The following AP3S1 variants were observed in gnomAD, a reference collection of about 807,000 sequenced individuals.
AP3S1 encodes the protein adaptor related protein complex 3 subunit sigma 1, also known as AP-3 complex subunit sigma-1.
AP3S1 carries 12 observed loss-of-function variants against 21.3 expected under a neutral mutation model. That is an observed-to-expected ratio of 0.56 (90% CI 0.36 to 0.91). The LOEUF (loss-of-function observed/expected upper bound fraction) is 0.91, where lower values mean the gene tolerates loss of function less well. AP3S1 is among the 40% of genes least tolerant of loss of function. The pLI, the probability that AP3S1 is intolerant of heterozygous loss-of-function variation, is 0.01. For missense variants in AP3S1, 116 were observed against 225.0 expected (o/e 0.52, Z 3.10); for synonymous variants, 48 against 78.4 (o/e 0.61, Z 2.05).
At chr5:115,844,870 T>C (rs938039787) in intron 1 of AP3S1, among the ~76,000 whole-genome samples, 1 of 152,218 alleles carries the variant, frequency 6.6e-6, no homozygotes. Flanking sequence ...TATAGAATAC[T>C]TGAAGGAACG....
intron 5 of AP3S1, among the ~76,000 whole-genome samples, chr5:115,905,439 A>G (rs1751566691): frequency 6.6e-6 from 1 of 152,216 alleles, no homozygotes; most frequent in Admixed American, 6.5e-5. Flanking sequence ...CTGGTACCAA[A>G]TTAGTTTCTC....
At chr5:115,911,362 C>G (rs1052137192) in intron 5 of AP3S1, among the ~76,000 whole-genome samples, 2 of 151,886 alleles carry the variant, frequency 1.3e-5, no homozygotes, top group Non-Finnish European at 2.9e-5. Flanking sequence ...CACAATTTCT[C>G]TCACAATAAT....
In AP3S1 at chr5:115,841,959, A is replaced by G. The variant is rs984259635; in HGVS notation, c.-79A>G. The G allele has an allele frequency of 1.1e-5, 16 of 1,514,214 alleles. No individual in the cohort carries two copies. In the African/African-American group the frequency reaches 1.1e-4, roughly 11 times the overall value. The allele number at this position is 1,514,214 out of a possible 1,614,324, so 93.8% of individuals were successfully genotyped here. On this transcript the variant is annotated 5_prime_UTR_variant, in exon 1 of 6. Coordinates refer to ENST00000316788, the MANE Select transcript of AP3S1 (RefSeq NM_001284.4). Reference sequence around the variant, plus strand: ...GAGGGGGCGGGTGGGGAAGGATCGCAGGCGAGATTACGAGGCGAGGCTCGC... The same window carrying G: ...GAGGGGGCGGGTGGGGAAGGATCGCGGGCGAGATTACGAGGCGAGGCTCGC...
chr5:115,866,633 C>G, intron 1 of AP3S1, 37 bp from the exon 2 acceptor site: 1 of 1,408,372 alleles, frequency 7.1e-7, no homozygotes, highest in Non-Finnish European at 9.8e-7. Flanking sequence ...TAAACCTATA[C>G]ACTCCATCCT....
chr5:115,907,152 C>A (rs1287970792), intron 5 of AP3S1: 6 of 280,288 alleles, frequency 2.1e-5, no homozygotes, highest in Non-Finnish European at 3.2e-5. Context: ...TGACAAATTG[C>A]ATTTGCAGAA....
intron 3 of AP3S1, among the ~76,000 whole-genome samples, chr5:115,886,781 G>A (rs2112889158): frequency 6.6e-6 from 1 of 152,138 alleles, no homozygotes; most frequent in East Asian, 1.9e-4. Flanking sequence ...TCACAGAGAA[G>A]GAATCATTAA....
intron 4 of AP3S1, among the ~76,000 whole-genome samples, chr5:115,899,005 G>A (rs1380873496): frequency 1.3e-5 from 2 of 152,204 alleles, no homozygotes; most frequent in Non-Finnish European, 2.9e-5. Context: ...TAAAGATTCT[G>A]TGCAGGGCTT....
chr5:115,909,043 G>A (rs1341368336), intron 5 of AP3S1: 4 of 930,744 alleles, frequency 4.3e-6, no homozygotes, highest in South Asian at 5.0e-5. Context: ...GTTTTAATAC[G>A]TACAGTTTGT....
chr5:115,876,781 G>A (rs1748755218), intron 3 of AP3S1, among the ~76,000 whole-genome samples: 1 of 152,006 alleles, frequency 6.6e-6, no homozygotes, highest in South Asian at 2.1e-4. Flanking sequence ...CCCCAATTTG[G>A]GTTTGTTTGA....
chr5:115,882,513 G>A (rs933191656), intron 3 of AP3S1, among the ~76,000 whole-genome samples: 1 of 152,120 alleles, frequency 6.6e-6, no homozygotes, highest in Non-Finnish European at 1.5e-5. Context: ...CGTTTGCCTG[G>A]GTATCACCAG....
At chr5:115,864,312 G>GT (rs1040261320) in intron 1 of AP3S1, among the ~76,000 whole-genome samples, 1 of 152,146 alleles carries the variant, frequency 6.6e-6, no homozygotes, top group Non-Finnish European at 1.5e-5. Flanking sequence ...GCCTTTTAAA[G>GT]TTTTTTTGAT....
At chr5:115,889,688 C>G (rs1353612832) in intron 3 of AP3S1, among the ~76,000 whole-genome samples, 1 of 152,016 alleles carries the variant, frequency 6.6e-6, no homozygotes, top group Non-Finnish European at 1.5e-5. Context: ...TAAAGAATTC[C>G]TATACATCAA....
At chr5:115,873,146 A>G (rs3797569) in intron 3 of AP3S1, among the ~76,000 whole-genome samples, 22,057 of 152,112 alleles carry the variant, frequency 0.15, 2,071 homozygotes, top group East Asian at 0.33. Context: ...AGTCATCACC[A>G]TTGATTATTA....
chr5:115,911,922 A>G (rs764869384), intron 5 of AP3S1, among the ~76,000 whole-genome samples: 35 of 151,954 alleles, frequency 2.3e-4, no homozygotes, highest in Non-Finnish European at 1.0e-4. Context: ...CCTATTCACT[A>G]TTTAATTGGG....
chr5:115,870,801 C>T lies in AP3S1; in HGVS notation c.273+673C>T, dbSNP rs559378107. 2.0e-5 allele frequency among the ~76,000 whole-genome samples: 3 copies of T among 152,306 alleles called. No individual in the cohort carries two copies. In the East Asian group the frequency reaches 5.8e-4, roughly 29 times the overall value. On this transcript the variant is annotated intron_variant, in intron 3 of 5. Coordinates refer to ENST00000316788, the MANE Select transcript of AP3S1 (RefSeq NM_001284.4). ...GATTTTGTTAAGAATTGTGAAGGGT[C>T]TGAGATTTGCTCTACTTGCAAACTA...
At chr5:115,913,335 TTTTC>T in intron 5 of AP3S1, 23 bp from the exon 6 acceptor site, 1 of 1,078,496 alleles carries the variant, frequency 9.3e-7, no homozygotes, top group South Asian at 2.9e-5. Flanking sequence ...TACATTTTCT[TTTTC>T]TTTTATTTGC....
chr5:115,878,607 G>A (rs1373198348), intron 3 of AP3S1, among the ~76,000 whole-genome samples: 1 of 152,166 alleles, frequency 6.6e-6, no homozygotes, highest in Non-Finnish European at 1.5e-5. Flanking sequence ...TAGCCTTATA[G>A]TATAGTTTGA....
At chr5:115,868,369 G>A (rs968302233) in intron 2 of AP3S1, among the ~76,000 whole-genome samples, 5 of 152,080 alleles carry the variant, frequency 3.3e-5, no homozygotes, top group African/African-American at 1.2e-4. Context: ...GGGAACAATT[G>A]CAGTCATAGT....
intron 3 of AP3S1, among the ~76,000 whole-genome samples, chr5:115,888,068 C>G (rs763404938): frequency 1.6e-4 from 25 of 151,992 alleles, no homozygotes; most frequent in Non-Finnish European, 3.2e-4. Flanking sequence ...TAATTTTTCT[C>G]CCACCAGCTT....
Sources: gnomAD v4.1 joint callset for allele counts (sites outside exome capture counted in the v4.1 genomes callset) on GRCh38, gnomAD v4.1.1 for gene constraint, MANE v1.5 for transcripts, NCBI Gene and HGNC (gene_info 2026-07-23, HGNC 2026-07-21) for gene names.